The following CBR1 variants were observed in gnomAD, a reference collection of about 807,000 sequenced individuals.
The protein encoded by CBR1 is carbonyl reductase [NADPH] 1.
In CBR1, 11 loss-of-function variants were observed where a neutral mutation model predicts 10.6. That is an observed-to-expected ratio of 1.03 (90% CI 0.65 to 1.71). CBR1 has a LOEUF of 1.71. Ranked by LOEUF, CBR1 falls within the 40% of genes most tolerant of loss-of-function variation. The pLI is 0.00. For missense variants in CBR1, 361 were observed against 368.6 expected (o/e 0.98, Z 0.17); for synonymous variants, 158 against 156.7 (o/e 1.01, Z -0.06).
chr21:36,072,392 T>C (rs1430983290), intron 2 of CBR1, 54 bp from the exon 3 acceptor site: 1 of 1,613,776 alleles, frequency 6.2e-7, no homozygotes, highest in Admixed American at 1.7e-5. Context: ...GGCATTCACC[T>C]CTCTACGGGA....
In CBR1 at chr21:36,072,690, G is replaced by T; in HGVS notation, c.642G>T (p.Glu214Asp). 6.2e-7 allele frequency: 1 copy of T among 1,614,166 alleles called. No individual in the cohort carries two copies. Among genetic ancestry groups the T allele is most frequent in the East Asian group, 2.2e-5 (1 of 44,878 alleles). The change falls in exon 3 of 3, where the codon GAG becomes GAT. Residue 214 changes from glutamate to aspartate, a missense_variant. Physicochemically the swap from Glu to Asp is conservative, Grantham distance 45 (BLOSUM62 2). Transcript: ENST00000290349. ...GGATCCACGCCAGGAAACTGAGTGA[G>T]CAGAGGAAAGGGGACAAGATCCTCC... The part of the protein sequence containing the change: ...LSRIHARKLS[E>D]QRKGDKILLN...
chr21:36,070,851 A>G, intron 1 of CBR1, 99 bp from the exon 2 acceptor site: 1 of 645,460 alleles, frequency 1.5e-6, no homozygotes, highest in Non-Finnish European at 2.5e-6. Flanking sequence ...AGAGGGCACT[A>G]AGTTTTTTTT....
rs1159873364 is a variant in CBR1, at chr21:36,070,296, C to G, written c.181C>G (p.Gln61Glu). 1 of 1,612,974 alleles carries G rather than the reference C, an allele frequency of 6.2e-7. No homozygotes were observed. Among genetic ancestry groups the G allele is most frequent in the Non-Finnish European group, 8.5e-7 (1 of 1,179,958 alleles). Residue 61 changes from glutamine to glutamate, a missense_variant, in exon 1 of 3, where the codon CAG becomes GAG. Gln to Glu is a conservative substitution (Grantham distance 29). Transcript: ENST00000290349. Reference sequence around the variant, plus strand: ...GGAGGGCCTGAGCCCGCGCTTCCACCAGCTGGACATCGACGATCTGCAGAG... The same window carrying G: ...GGAGGGCCTGAGCCCGCGCTTCCACGAGCTGGACATCGACGATCTGCAGAG... ...QAEGLSPRFH[Q>E]LDIDDLQSIR...
rs1048322369 is a variant in CBR1, at chr21:36,070,348, G to A, written c.233G>A (p.Arg78His). 6.2e-7 allele frequency: 1 copy of A among 1,613,222 alleles called. No individual in the cohort carries two copies. Among genetic ancestry groups the A allele is most frequent in the Admixed American group, 1.7e-5 (1 of 60,020 alleles). The change falls in exon 1 of 3, where the codon CGC (arginine) becomes CAC (histidine). Residue 78 changes from arginine to histidine, a missense_variant. Arg to His is a conservative substitution (Grantham distance 29, BLOSUM62 0). Coordinates refer to ENST00000290349, the MANE Select transcript of CBR1 (RefSeq NM_001757.4). ...ATCCGCGCCCTGCGCGACTTCCTGC[G>A]CAAGGAGTACGGGGGCCTGGACGTG... ...QSIRALRDFL[R>H]KEYGGLDVLV...
intron 1 of CBR1, 27 bp downstream of exon 1, chr21:36,070,431 G>A (rs111862586): frequency 1.7e-5 from 27 of 1,555,408 alleles, no homozygotes; most frequent in East Asian, 2.3e-5. Context: ...TGGCCTCCCC[G>A]AAGAAGAACC....
rs2065351762 is a variant in CBR1 at position 36,071,488 on chromosome 21, A to G, written c.397+431A>G. On this transcript the variant is annotated intron_variant, in intron 2 of 2. Transcript: ENST00000290349. The stretch of plus-strand genomic sequence containing the variant: ...CTGTCACCTGTCTGAAACACTCCTT[A>G]AGCTCCCAACCACATGGTTGTCTTG... 2.3e-5 allele frequency: 13 copies of G among 560,980 alleles called. No individual in the cohort carries two copies. The South Asian group carries it at 2.5e-4, about 11-fold the overall frequency. 34.8% of individuals were successfully genotyped at this position (560,980 alleles called of 1,614,324 possible).
chr21:36,071,146 C>G (rs897925767), intron 2 of CBR1, 89 bp downstream of exon 2: 1 of 864,568 alleles, frequency 1.2e-6, no homozygotes, highest in Non-Finnish European at 2.0e-6. Flanking sequence ...CTCCTGCTTC[C>G]TCTCCATGCT....
intron 2 of CBR1, chr21:36,071,362 C>T (rs943096906): frequency 1.5e-5 from 9 of 609,746 alleles, no homozygotes; most frequent in South Asian, 9.8e-5. Context: ...TTCCCCTCTG[C>T]GTGGGAGTCC....
intron 1 of CBR1, among the ~76,000 whole-genome samples, chr21:36,070,674 T>A (rs1381826188): frequency 6.6e-6 from 1 of 152,072 alleles, no homozygotes; most frequent in Non-Finnish European, 1.5e-5. Context: ...GATTTTAAAA[T>A]AAACGACAAA....
At chr21:36,071,138 C>T (rs772797612) in intron 2 of CBR1, 81 bp downstream of exon 2, 4 of 906,102 alleles carry the variant, frequency 4.4e-6, no homozygotes, top group African/African-American at 3.3e-5. Flanking sequence ...CCTGCAGGCT[C>T]CTGCTTCCTC....
In CBR1 at chr21:36,070,153, GCAA is replaced by G. The variant is rs1012466885; in HGVS notation, c.42_44del (p.Asn14del). The G allele has an allele frequency of 3.8e-6, 6 of 1,573,504 alleles. No individual in the cohort carries two copies. The highest frequency in any genetic ancestry group is 4.3e-6 in the Non-Finnish European group (5 of 1,160,534). ...ATCCATGTAGCGCTGGTGACTGGAG[GCAA>G]CAAGGGCATCGGCTTGGCCATCGTG... On this transcript the variant is annotated inframe_deletion, in exon 1 of 3. Transcript: ENST00000290349.
At chr21:36,070,884 A>G in intron 1 of CBR1, 66 bp from the exon 2 acceptor site, 1 of 700,268 alleles carries the variant, frequency 1.4e-6, no homozygotes, top group African/African-American at 1.9e-5. Flanking sequence ...TTTTTTTAGT[A>G]TCATTGTATA....
rs377569583 is a variant in CBR1 at position 36,072,582 on chromosome 21, T to C, written c.534T>C (p.Asp178=). The stretch of plus-strand genomic sequence containing the variant: ...GGCTCATGAACAAGTTTGTGGAGGA[T>C]ACAAAGAAGGGAGTGCACCAGAAGG... ...LVGLMNKFVE[D]TKKGVHQKEG... is the part of the protein sequence containing the mutation. The change falls in exon 3 of 3, where the codon GAT becomes GAC. Residue 178 remains aspartate (D), a synonymous_variant. Coordinates refer to ENST00000290349, the MANE Select transcript of CBR1 (RefSeq NM_001757.4). The C allele has an allele frequency of 6.2e-7, 1 of 1,601,570 alleles. No homozygotes were observed. Among genetic ancestry groups the C allele is most frequent in the Non-Finnish European group, 8.5e-7 (1 of 1,174,314 alleles).
At position 36,072,673 on chromosome 21, in the gene CBR1, G is replaced by A. The variant is rs754600918; in HGVS notation, c.625G>A (p.Ala209Thr). The A allele has an allele frequency of 5.0e-6, 8 of 1,614,040 alleles. No individual in the cohort carries two copies. The highest frequency in any genetic ancestry group is 1.7e-5 in the Admixed American group (1 of 60,000). ...CGTCACCGTTCTGTCCAGGATCCAC[G>A]CCAGGAAACTGAGTGAGCAGAGGAA... ...IGVTVLSRIH[A>T]RKLSEQRKGD... Residue 209 changes from alanine to threonine, a missense_variant, in exon 3 of 3, where the codon GCC (alanine) becomes ACC (threonine). Physicochemically the swap from Ala to Thr is moderately conservative, Grantham distance 58. Coordinates refer to ENST00000290349, the MANE Select transcript of CBR1 (RefSeq NM_001757.4).
chr21:36,071,967 GACATGACTATC>G (rs1860418626), intron 2 of CBR1: 1 of 1,535,782 alleles, frequency 6.5e-7, no homozygotes, highest in African/African-American at 1.4e-5. Flanking sequence ...GAAGGTGCTG[GACATGACTATC>G]ACATGTCTTT....
At chr21:36,070,429 C>T (rs41540212) in intron 1 of CBR1, 25 bp downstream of exon 1, 28,711 of 1,556,922 alleles carry the variant, frequency 0.018, 359 homozygotes, top group Non-Finnish European at 0.021. Context: ...CGTGGCCTCC[C>T]CGAAGAAGAA....
At position 36,070,815 on chromosome 21, in the gene CBR1, T is replaced by A. The variant is rs2065346093; in HGVS notation, c.290-135T>A. On this transcript the variant is annotated intron_variant, in intron 1 of 2. Coordinates refer to ENST00000290349, the MANE Select transcript of CBR1 (RefSeq NM_001757.4). ...GGAGATTGACATTGGCACAATACTG[T>A]AACCAGATACAGACTTACTTTAGGC... is the stretch of plus-strand genomic sequence containing the variant. 9 of 625,776 alleles carry A rather than the reference T, an allele frequency of 1.4e-5. No homozygotes were observed. In the South Asian group the frequency reaches 1.8e-4, roughly 13 times the overall value. The allele number at this position is 625,776 out of a possible 1,614,324, so 38.8% of individuals were successfully genotyped here. A position where few individuals can be genotyped will look rare whatever the true frequency, so the allele number is the denominator to read the frequency against.
rs2065347782 is a variant in CBR1 at position 36,070,945 on chromosome 21, A to G, written c.290-5A>G. 1.3e-6 allele frequency: 2 copies of G among 1,596,658 alleles called. No homozygotes were observed. Among genetic ancestry groups the G allele is most frequent in the African/African-American group, 1.4e-5 (1 of 73,932 alleles). On this transcript the variant is annotated splice_polypyrimidine_tract_variant and splice_region_variant and intron_variant, in intron 1 of 2. Coordinates refer to ENST00000290349, the MANE Select transcript of CBR1 (RefSeq NM_001757.4). ...ATTAACTATGTTCTCTTTCTCTCCT[A>G]AAAGTTGCTGATCCCACACCCTTTC...
At chr21:36,072,259 G>A (rs1332383481) in intron 2 of CBR1, 187 bp from the exon 3 acceptor site, 5 of 1,550,758 alleles carry the variant, frequency 3.2e-6, no homozygotes, top group South Asian at 1.2e-5. Context: ...GCCAAAATTC[G>A]AAGGCAGGAA....
Sources: allele counts gnomAD v4.1 joint callset (sites outside exome capture counted in the v4.1 genomes callset), GRCh38; gene constraint gnomAD v4.1.1; transcripts MANE v1.5; gene names NCBI Gene and HGNC (gene_info 2026-07-23, HGNC 2026-07-21).